Variants in MALRD1 observed in about 807,000 individuals in gnomAD.
MALRD1 encodes MAM and LDL receptor class A domain containing 1, also known as MAM and LDL-receptor class A domain-containing protein 1.
Under a neutral mutation model 242.1 loss-of-function variants are expected in MALRD1, and 247 were observed. That is an observed-to-expected ratio of 1.02 (90% confidence interval 0.92 to 1.13). The LOEUF (loss-of-function observed/expected upper bound fraction) is 1.13, where lower values mean the gene tolerates loss of function less well. Among genes scored for constraint, MALRD1 ranks in the 50% most tolerant of loss-of-function variants. The pLI is 0.00. For missense variants in MALRD1, 2,989 were observed against 2,533.1 expected (o/e 1.18, Z -3.86); for synonymous variants, 995 against 866.6 (o/e 1.15, Z -2.60).
chr10:19,389,613 G>A lies in MALRD1; in HGVS notation c.4845+4G>A, dbSNP rs760776223. On this transcript the variant is annotated splice_donor_region_variant and intron_variant, in intron 28 of 39. Transcript: ENST00000454679. ...ATCCATTCAGATTCTCATCAAGGTA[G>A]GAACATGGCCTGTGATGCCTCTGAG... 6.5e-7 allele frequency: 1 copy of A among 1,548,936 alleles called. No homozygotes were observed. Among genetic ancestry groups the A allele is most frequent in the South Asian group, 1.2e-5 (1 of 83,822 alleles).
intron 31 of MALRD1, among the ~76,000 whole-genome samples, chr10:19,513,004 G>A (rs528902407): frequency 5.3e-5 from 8 of 152,242 alleles, no homozygotes; most frequent in Admixed American, 2.0e-4. Context: ...TTCATTTCAG[G>A]TGTGTAGCAC....
chr10:19,708,260 G>C lies in MALRD1; in HGVS notation c.6314+15706G>C, dbSNP rs1416259062. On this transcript the variant is annotated intron_variant, in intron 38 of 39. Coordinates refer to ENST00000454679, the MANE Select transcript of MALRD1 (RefSeq NM_001142308.3). ...TTTATCCAAACTTCTATCATTTATA[G>C]GCTACCCCCACAATTTACACCATGA... is the stretch of plus-strand genomic sequence containing the variant. Among the ~76,000 whole-genome samples, 13 of 119,792 alleles carry C rather than the reference G, an allele frequency of 1.1e-4. 4 individuals are homozygous for C. In the East Asian group the frequency reaches 2.8e-3, roughly 25 times the overall value. The allele number at this position is 119,792 out of a possible 152,430, so 78.6% of individuals were successfully genotyped here.
chr10:19,510,498 G>C (rs1430449349), intron 31 of MALRD1, among the ~76,000 whole-genome samples: 2 of 152,234 alleles, frequency 1.3e-5, no homozygotes, highest in African/African-American at 2.4e-5. Context: ...GGGTACTTGA[G>C]AGTAGGGAGT....
At position 19,238,193 on chromosome 10, in the gene MALRD1, A is replaced by G. The variant is rs375304238; in HGVS notation, c.2992-19491A>G. On this transcript the variant is annotated intron_variant, in intron 18 of 39. Coordinates refer to ENST00000454679, the MANE Select transcript of MALRD1 (RefSeq NM_001142308.3). The stretch of plus-strand genomic sequence containing the variant: ...ATATTATATATAATATGTAATATAC[A>G]TAATATATATTATATATATGTAATA... Among the ~76,000 whole-genome samples the G allele has an allele frequency of 2.4e-3, 125 of 52,870 alleles. 9 individuals carry two copies. The highest frequency in any genetic ancestry group is 7.8e-3 in the Admixed American group (15 of 1,924). The allele number at this position is 52,870 out of a possible 152,430, so 34.7% of individuals were successfully genotyped here. A position where few individuals can be genotyped will look rare whatever the true frequency, so the allele number is the denominator to read the frequency against.
At chr10:19,234,141 G>A (rs1838199816) in intron 18 of MALRD1, among the ~76,000 whole-genome samples, 1 of 151,768 alleles carries the variant, frequency 6.6e-6, no homozygotes, top group Admixed American at 6.6e-5. Flanking sequence ...GACATTATAG[G>A]TGTTCCTTGA....
intron 1 of MALRD1, among the ~76,000 whole-genome samples, chr10:19,057,762 T>C (rs2131216636): frequency 6.6e-6 from 1 of 152,234 alleles, no homozygotes; most frequent in Admixed American, 6.5e-5. Flanking sequence ...AACTTTGGAA[T>C]CTGATAAAGT....
chr10:19,292,756 G>A (rs1307223821), intron 21 of MALRD1, among the ~76,000 whole-genome samples: 3 of 151,940 alleles, frequency 2.0e-5, no homozygotes, highest in Admixed American at 6.6e-5. Context: ...AGCCGGGCAT[G>A]GTGGCGGGCG....
At chr10:19,598,615 A>T (rs1020967858) in intron 34 of MALRD1, among the ~76,000 whole-genome samples, 6 of 152,074 alleles carry the variant, frequency 3.9e-5, no homozygotes, top group Non-Finnish European at 8.8e-5. Context: ...TGTTGTATTT[A>T]TGATACCTGA....
chr10:19,336,357 A>G (rs1843612440), intron 24 of MALRD1, among the ~76,000 whole-genome samples: 1 of 152,176 alleles, frequency 6.6e-6, no homozygotes, highest in Non-Finnish European at 1.5e-5. Flanking sequence ...CAAATGTTTT[A>G]ACTTTGTGCT....
intron 1 of MALRD1, chr10:19,052,083 G>A (rs866125889): frequency 3.0e-5 from 13 of 434,528 alleles, no homozygotes; most frequent in Middle Eastern, 8.1e-4. Context: ...GGATTCAAGA[G>A]CCATGTCAGG....
chr10:19,584,339 T>C (rs1321013587), intron 33 of MALRD1, among the ~76,000 whole-genome samples: 61 of 152,276 alleles, frequency 4.0e-4, no homozygotes, highest in South Asian at 6.2e-4. Context: ...TTGGATCTTT[T>C]CTGCTTTCTC....
At chr10:19,306,575 CTT>C (rs961369689) in intron 21 of MALRD1, among the ~76,000 whole-genome samples, 10 of 146,590 alleles carry the variant, frequency 6.8e-5, no homozygotes, top group Admixed American at 3.5e-4. Context: ...ATATATATAC[CTT>C]ATATATACTG....
chr10:19,341,492 ATGTATATATGTATATATATGTG>A (rs1413317685), intron 24 of MALRD1, among the ~76,000 whole-genome samples: 2,161 of 139,534 alleles, frequency 0.015, 45 homozygotes, highest in African/African-American at 0.044. Context: ...GTGTATATAT[ATGTATATATGTATATATATGTG>A]TGTATATATG....
At chr10:19,374,937 A>G (rs1391513815) in intron 26 of MALRD1, among the ~76,000 whole-genome samples, 1 of 152,216 alleles carries the variant, frequency 6.6e-6, no homozygotes, top group Non-Finnish European at 1.5e-5. Flanking sequence ...AATCAGAAGC[A>G]AAGGACAGAT....
At chr10:19,165,242 A>AATATATATATAT (rs57449195) in intron 12 of MALRD1, among the ~76,000 whole-genome samples, 1,053 of 69,652 alleles carry the variant, frequency 0.015, 72 homozygotes, top group African/African-American at 0.038. Context: ...AGTTGTTTGG[A>AATATATATATAT]ATATATATAT....
chr10:19,122,219 G>A lies in MALRD1; in HGVS notation c.695-1273G>A, dbSNP rs371440465. Among the ~76,000 whole-genome samples the A allele has an allele frequency of 5.9e-5, 9 of 152,302 alleles. No homozygotes were observed. In the South Asian group the frequency reaches 1.9e-3, roughly 32 times the overall value. ...GAAAATAATTTAGGATCCTGGGCTT[G>A]TAGAACCTGGCGCAGCTGAAATATT... On this transcript the variant is annotated intron_variant, in intron 5 of 39. Transcript: ENST00000454679.
chr10:19,078,467 G>A (rs141355994), intron 2 of MALRD1, among the ~76,000 whole-genome samples: 2 of 151,812 alleles, frequency 1.3e-5, no homozygotes, highest in African/African-American at 4.8e-5. Flanking sequence ...CATCAGTTAT[G>A]TTGTTCTCTT....
chr10:19,710,019 G>T (rs1181022607), intron 38 of MALRD1, among the ~76,000 whole-genome samples: 1 of 152,076 alleles, frequency 6.6e-6, no homozygotes, highest in African/African-American at 2.4e-5. Flanking sequence ...AAGATCACTT[G>T]AGCCCAGGAG....
intron 29 of MALRD1, among the ~76,000 whole-genome samples, chr10:19,453,905 T>TA (rs1835469758): frequency 6.6e-6 from 1 of 151,252 alleles, no homozygotes; most frequent in Non-Finnish European, 1.5e-5. Context: ...AATTAAAACA[T>TA]AAGCCAAGCA....
Sources: allele counts gnomAD v4.1 joint callset (sites outside exome capture counted in the v4.1 genomes callset), GRCh38; gene constraint gnomAD v4.1.1; transcripts MANE v1.5; gene names NCBI Gene and HGNC (gene_info 2026-07-23, HGNC 2026-07-21).